Variants in MSANTD2 observed in about 807,000 individuals in gnomAD.
MSANTD2 encodes myb/SANT-like DNA-binding domain-containing protein 2.
Under a neutral mutation model 52.6 loss-of-function variants are expected in MSANTD2, and 19 were observed. The observed-to-expected ratio is 0.36, with a 90% CI of 0.25 to 0.53. MSANTD2 has a LOEUF of 0.53. MSANTD2 is among the 20% of genes least tolerant of loss of function. MSANTD2 has a pLI of 0.91. For synonymous variants in MSANTD2, 291 were observed against 289.7 expected (o/e 1.00, Z -0.04); for missense variants, 558 against 716.3 (o/e 0.78, Z 2.52).
At position 124,800,293 on chromosome 11, in the gene MSANTD2, C is replaced by A; in HGVS notation, c.88G>T (p.Gly30Cys). ...MEVLSPASPG[G>C]LSDGNPSLSD... Reference sequence around the variant, plus strand: ...AGCGATGGATTTCCGTCGCTCAGGCCACCAGGAGAAGCCGGGGAAAGCACC... The same window carrying A: ...AGCGATGGATTTCCGTCGCTCAGGCAACCAGGAGAAGCCGGGGAAAGCACC... The change falls in exon 1 of 4, where the codon GGC becomes TGC. Residue 30 changes from glycine (G) to cysteine (C), a missense_variant. This residue lies in a region of MSANTD2 where 150 missense variants were observed against 142.7 expected (regional missense o/e 1.05). Transcript: ENST00000374979. This position sits in a 1 kb window ranked among gnomAD's most constrained non-coding sequence, Gnocchi z 4.3. 1 of 1,567,980 alleles carries A rather than the reference C, an allele frequency of 6.4e-7. No homozygotes were observed. The highest frequency in any genetic ancestry group is 8.6e-7 in the Non-Finnish European group (1 of 1,159,704).
Position 124,784,175 on chromosome 11 carries a change from TG to T in MSANTD2, c.511-9202del, listed in dbSNP as rs1250771310. 4 of 985,136 alleles carry T rather than the reference TG, an allele frequency of 4.1e-6. No individual in the cohort carries two copies. In the East Asian group the frequency reaches 4.5e-4, roughly 112 times the overall value. The allele number at this position is 985,136 out of a possible 1,614,324, so 61.0% of individuals were successfully genotyped here. A position where few individuals can be genotyped will look rare whatever the true frequency, so the allele number is the denominator to read the frequency against. ...TGAAAGGGAAAAAAAAAAAATCAGT[TG>T]TTGGCAAAGAACTGACTGGGATTAG... On this transcript the variant is annotated intron_variant, in intron 1 of 3. Coordinates refer to ENST00000374979, the MANE Select transcript of MSANTD2 (RefSeq NM_001308027.2).
At chr11:124,794,343 C>G (rs1468741713) in intron 1 of MSANTD2, among the ~76,000 whole-genome samples, 2 of 152,136 alleles carry the variant, frequency 1.3e-5, no homozygotes, top group Admixed American at 1.3e-4. Flanking sequence ...AAACTGAAAT[C>G]TTAAATATAA....
chr11:124,797,723 A>G (rs1859984197), intron 1 of MSANTD2, among the ~76,000 whole-genome samples: 2 of 152,204 alleles, frequency 1.3e-5, no homozygotes, highest in Non-Finnish European at 2.9e-5. Flanking sequence ...AACAGCTACT[A>G]TGGATCAGAG....
chr11:124,773,106 C>CATGT, intron 2 of MSANTD2, 52 bp from the exon 3 acceptor site: 1 of 1,033,626 alleles, frequency 9.7e-7, no homozygotes, highest in Non-Finnish European at 1.5e-6. Context: ...TGGTGGCATG[C>CATGT]ATGTATGTAG....
chr11:124,786,433 G>A (rs1404885359), intron 1 of MSANTD2, among the ~76,000 whole-genome samples: 1 of 152,126 alleles, frequency 6.6e-6, no homozygotes, highest in Non-Finnish European at 1.5e-5. Context: ...AACAATGGCA[G>A]GCATAAGGTA....
intron 1 of MSANTD2, 132 bp downstream of exon 1, chr11:124,799,739 C>T: frequency 1.6e-6 from 1 of 617,068 alleles, no homozygotes; most frequent in Non-Finnish European, 2.7e-6. Flanking sequence ...AAGAAAAAGG[C>T]GGAGGAGATG....
intron 1 of MSANTD2, chr11:124,784,345 G>A (rs1945087988): frequency 1.0e-6 from 1 of 984,860 alleles, no homozygotes; most frequent in African/African-American, 1.7e-5. Flanking sequence ...ATTAGTATGT[G>A]ATATCTAAAA....
rs1342679555 is a variant in MSANTD2 at position 124,799,883 on chromosome 11, C to T, written c.498G>A (p.Arg166=). 1 of 1,580,190 alleles carries T rather than the reference C, an allele frequency of 6.3e-7. No individual in the cohort carries two copies. The highest frequency in any genetic ancestry group is 8.5e-7 in the Non-Finnish European group (1 of 1,171,620). ...LGYERTPSQC[R]ERIKTLRRCY... Reference sequence around the variant, plus strand: ...GGCGGCCGGTTACCTTGATGCGCTCCCGGCACTGGGACGGGGTCCGCTCGT... The same window carrying T: ...GGCGGCCGGTTACCTTGATGCGCTCTCGGCACTGGGACGGGGTCCGCTCGT... Residue 166 remains arginine (R), a synonymous_variant, in exon 1 of 4, where the codon CGG becomes CGA. Transcript: ENST00000374979.
At chr11:124,789,953 T>G (rs763834965) in intron 1 of MSANTD2, 9 of 152,226 alleles carry the variant, frequency 5.9e-5, no homozygotes, top group Non-Finnish European at 1.3e-4. Flanking sequence ...ATAACTGCAA[T>G]CCTAACAGTT....
rs1167109334 is a variant in MSANTD2 at position 124,799,926 on chromosome 11, G to T, written c.455C>A (p.Ala152Asp). Residue 152 changes from alanine to aspartate, a missense_variant, in exon 1 of 4, where the codon GCC becomes GAC. By Grantham distance (126) the Ala-to-Asp change is moderately radical. Transcript: ENST00000374979. ...CCGCTCGTAGCCCAGCTCGGCCAGG[G>T]CCCGGGACACGCGCTCGTACATGGC... Reference protein sequence around the residue: ...GPAMYERVSRALAELGYERTP... With the variant: ...GPAMYERVSRDLAELGYERTP... 6.3e-7 allele frequency: 1 copy of T among 1,585,618 alleles called. No homozygotes were observed. The highest frequency in any genetic ancestry group is 8.5e-7 in the Non-Finnish European group (1 of 1,174,200).
At chr11:124,768,948 G>A (rs1320424817) in intron 3 of MSANTD2, among the ~76,000 whole-genome samples, 1 of 152,190 alleles carries the variant, frequency 6.6e-6, no homozygotes, top group Admixed American at 6.5e-5. Context: ...GCAAAACTTT[G>A]ATACTGGAAG....
At chr11:124,790,842 T>C in intron 1 of MSANTD2, 1 of 197,214 alleles carries the variant, frequency 5.1e-6, no homozygotes, top group South Asian at 9.8e-5. Flanking sequence ...TCAAGCTATC[T>C]AAAACTATGT....
At chr11:124,791,401 T>G in intron 1 of MSANTD2, 2 of 1,333,430 alleles carry the variant, frequency 1.5e-6, no homozygotes, top group South Asian at 1.2e-5. Flanking sequence ...ATCAAAACCT[T>G]AGAACTCAGT....
rs1442691726 is a variant in MSANTD2, at chr11:124,770,589, G to A, written c.827+2405C>T. Among the ~76,000 whole-genome samples the A allele has an allele frequency of 4.6e-5, 7 of 152,068 alleles. No homozygotes were observed. The East Asian group carries it at 5.8e-4, about 13-fold the overall frequency. On this transcript the variant is annotated intron_variant, in intron 3 of 3. Transcript: ENST00000374979. ...GCTGGGATTACAGACATGAGCCACCGCGCTTTGCCTTGTAATAACTCACAT... is the reference window on the plus strand; with the variant it reads ...GCTGGGATTACAGACATGAGCCACCACGCTTTGCCTTGTAATAACTCACAT...
rs985352493 is a variant in MSANTD2, at chr11:124,798,479, T to TA, written c.510+1391dup. ...TTAGCTACTACTTTAATGTCTTTGT[T>TA]AAAAAAAGAGAAAGCTTAAGAAGTC... On this transcript the variant is annotated intron_variant, in intron 1 of 3. Transcript: ENST00000374979. Among the ~76,000 whole-genome samples the TA allele has an allele frequency of 9.2e-5, 14 of 152,086 alleles. 1 individual carries two copies. The highest frequency in any genetic ancestry group is 2.7e-4 in the African/African-American group (11 of 41,398).
chr11:124,770,305 TG>T (rs1258857367), intron 3 of MSANTD2, among the ~76,000 whole-genome samples: 96 of 134,862 alleles, frequency 7.1e-4, no homozygotes, highest in Non-Finnish European at 9.3e-4. Context: ...TCTTTTTTTT[TG>T]TTTGTTTGTT....
chr11:124,800,088 G>A lies in MSANTD2; in HGVS notation c.293C>T (p.Ala98Val). 1 of 1,473,570 alleles carries A rather than the reference G, an allele frequency of 6.8e-7. No individual in the cohort carries two copies. The highest frequency in any genetic ancestry group is 1.3e-5 in the South Asian group (1 of 76,320). The allele number at this position is 1,473,570 out of a possible 1,614,324, so 91.3% of individuals were successfully genotyped here. A position where few individuals can be genotyped will look rare whatever the true frequency, so the allele number is the denominator to read the frequency against. The change falls in exon 1 of 4, where the codon GCC (alanine) becomes GTC (valine). Residue 98 changes from alanine to valine, a missense_variant. This residue lies in a region of MSANTD2 where 150 missense variants were observed against 142.7 expected (regional missense o/e 1.05). Transcript: ENST00000374979. The surrounding 1 kb of genome is among the most constrained non-coding windows in gnomAD (Gnocchi z 4.3). Reference protein sequence around the residue: ...GGGAAAAAAAACRGMSWTPAE... With the variant: ...GGGAAAAAAAVCRGMSWTPAE... ...TGGCGTCCACGACATGCCCCGGCAG[G>A]CGGCGGCGGCGGCTGCCGCAGCCCC... is the stretch of plus-strand genomic sequence containing the variant.
Position 124,767,766 on chromosome 11 carries a change from G to A in MSANTD2, c.1090C>T (p.Gln364Ter), listed in dbSNP as rs1448537145. The change falls in exon 4 of 4, where the codon CAG becomes TAG. Residue 364 changes from glutamine to a stop codon, truncating the protein, a stop_gained. Coordinates refer to ENST00000374979, the MANE Select transcript of MSANTD2 (RefSeq NM_001308027.2). LOFTEE classifies it high-confidence loss of function. This position sits in a 1 kb window ranked among gnomAD's most constrained non-coding sequence, Gnocchi z 6.5. Reference sequence around the variant, plus strand: ...TAAACATTTTTCCAGTTCATTTTCTGCACTCGGGTCATAATGATCCGTCCT... The same window carrying A: ...TAAACATTTTTCCAGTTCATTTTCTACACTCGGGTCATAATGATCCGTCCT... ...PEGRIIMTRV[Q>*]KMNWKNVYYK... The A allele has an allele frequency of 6.2e-7, 1 of 1,614,208 alleles. No homozygotes were observed. The highest frequency in any genetic ancestry group is 8.5e-7 in the Non-Finnish European group (1 of 1,180,036).
chr11:124,771,769 C>T (rs1247785254), intron 3 of MSANTD2, among the ~76,000 whole-genome samples: 1 of 152,146 alleles, frequency 6.6e-6, no homozygotes, highest in African/African-American at 2.4e-5. Flanking sequence ...CAAAAAACAA[C>T]TAATGTTTTC....
Sources: gnomAD v4.1 joint callset for allele counts (sites outside exome capture counted in the v4.1 genomes callset) on GRCh38, gnomAD v4.1.1 for gene constraint, gnomAD v4.1.1 regional missense constraint, Gnocchi (gnomAD v3.1) non-coding constraint, MANE v1.5 for transcripts, NCBI Gene and HGNC (gene_info 2026-07-23, HGNC 2026-07-21) for gene names.